The following CACNA1H variants were observed in gnomAD, a reference collection of about 807,000 sequenced individuals.
CACNA1H encodes calcium voltage-gated channel subunit alpha1 H.
A neutral mutation model predicts 192.5 loss-of-function variants in CACNA1H; 149 were observed. The observed-to-expected ratio is 0.77, with a 90% CI of 0.68 to 0.89. The LOEUF is 0.89. CACNA1H is among the 40% of genes least tolerant of loss of function. The probability of loss-of-function intolerance (pLI) is 0.00; values close to 1 mark genes in which losing one functional copy is unlikely to be tolerated. For missense variants in CACNA1H, 4,257 were observed against 3,423.5 expected (o/e 1.24, Z -6.08); for synonymous variants, 2,202 against 1,475.2 (o/e 1.49, Z -11.29).
intron 2 of CACNA1H, among the ~76,000 whole-genome samples, chr16:1,194,753 C>T (rs1438375001): frequency 6.6e-6 from 1 of 152,040 alleles, no homozygotes; most frequent in Non-Finnish European, 1.5e-5. Context: ...GGCCTGGGAC[C>T]CTCACGGAGC....
At chr16:1,177,022 C>G (rs897144489) in intron 2 of CACNA1H, among the ~76,000 whole-genome samples, 1 of 152,150 alleles carries the variant, frequency 6.6e-6, no homozygotes, top group Non-Finnish European at 1.5e-5. Flanking sequence ...TCACTCCCTC[C>G]CCCCAGGAGC....
chr16:1,203,098 C>A (rs1421350390), intron 9 of CACNA1H, among the ~76,000 whole-genome samples: 1 of 151,996 alleles, frequency 6.6e-6, no homozygotes, highest in East Asian at 1.9e-4. Context: ...GGGAGAGGTG[C>A]GAGCGAGGGT....
chr16:1,183,698 T>G (rs1282646486), intron 2 of CACNA1H, among the ~76,000 whole-genome samples: 1 of 152,242 alleles, frequency 6.6e-6, no homozygotes, highest in African/African-American at 2.4e-5. Flanking sequence ...AGGTTTGATG[T>G]ACTTTCTGTC....
Position 1,220,422 on chromosome 16 carries a change from G to A in CACNA1H, c.6490G>A (p.Glu2164Lys). 2 of 1,532,158 alleles carry A rather than the reference G, an allele frequency of 1.3e-6. No individual in the cohort carries two copies. Among genetic ancestry groups the A allele is most frequent in the Middle Eastern group, 1.8e-4 (1 of 5,646 alleles). The allele number at this position is 1,532,158 out of a possible 1,614,324, so 94.9% of individuals were successfully genotyped here. Residue 2164 changes from glutamate (E) to lysine (K), a missense_variant, in exon 35 of 35, where the codon GAG (glutamate) becomes AAG (lysine). Coordinates refer to ENST00000348261, the MANE Select transcript of CACNA1H (RefSeq NM_021098.3). ...GCCCTCGGCGGAGCTGGGCAGCGGG[G>A]AGCCTGGGGAGGCGAAGGCCTGGGG... is the stretch of plus-strand genomic sequence containing the variant. ...WRPSAELGSG[E>K]PGEAKAWGPE...
In CACNA1H at chr16:1,215,279, C is replaced by T; in HGVS notation, c.5077C>T (p.Leu1693Phe). 6.2e-7 allele frequency: 1 copy of T among 1,608,226 alleles called. No homozygotes were observed. Among genetic ancestry groups the T allele is most frequent in the Non-Finnish European group, 8.5e-7 (1 of 1,177,812 alleles). ...GGACCTGGCCATCGTGCTGCTGTCA[C>T]TCATGGGCATCACGCTGGAGGAGAT... is the stretch of plus-strand genomic sequence containing the variant. ...QLDLAIVLLS[L>F]MGITLEEIEM... The change falls in exon 29 of 35, where the codon CTC becomes TTC. Residue 1693 changes from leucine to phenylalanine, a missense_variant. Leu to Phe is a conservative substitution (Grantham distance 22, BLOSUM62 0). Transcript: ENST00000348261.
intron 2 of CACNA1H, among the ~76,000 whole-genome samples, chr16:1,175,812 T>TGG (rs1964826357): frequency 1.3e-5 from 2 of 152,110 alleles, no homozygotes; most frequent in African/African-American, 4.8e-5. Flanking sequence ...GCGGGCGAGT[T>TGG]GGGCTGGGCT....
chr16:1,210,359 C>CCCCCCCCCCCCCCCG lies in CACNA1H; in HGVS notation c.3846-11_3846-10insCCCCCCCCCCCCCCG. 1 of 1,475,490 alleles carries CCCCCCCCCCCCCCCG rather than the reference C, an allele frequency of 6.8e-7. No homozygotes were observed. Among genetic ancestry groups the CCCCCCCCCCCCCCCG allele is most frequent in the Non-Finnish European group, 9.2e-7 (1 of 1,091,420 alleles). 91.4% of individuals were successfully genotyped at this position (1,475,490 alleles called of 1,614,324 possible). A position where few individuals can be genotyped will look rare whatever the true frequency, so the allele number is the denominator to read the frequency against. On this transcript the variant is annotated splice_polypyrimidine_tract_variant and intron_variant, in intron 18 of 34. Coordinates refer to ENST00000348261, the MANE Select transcript of CACNA1H (RefSeq NM_021098.3). The stretch of plus-strand genomic sequence containing the variant: ...CCCCGCCCCACCTCTCACCCGCCCC[C>CCCCCCCCCCCCCCCG]GCCCACCCAGGTTCCGCGTCTCCTG...
chr16:1,211,898 GC>G, intron 24 of CACNA1H, 47 bp from the exon 25 acceptor site: 1 of 1,611,364 alleles, frequency 6.2e-7, no homozygotes, highest in East Asian at 2.2e-5. Context: ...CCTGGGTAGG[GC>G]CCCTGGCGGG....
At chr16:1,195,826 C>T in intron 4 of CACNA1H, 100 bp from the exon 5 acceptor site, 9 of 1,020,768 alleles carry the variant, frequency 8.8e-6, no homozygotes, top group Non-Finnish European at 1.4e-5. Context: ...GGGTGCCGGG[C>T]TGGCCGGTTC....
At chr16:1,162,140 C>G (rs111302628) in intron 2 of CACNA1H, among the ~76,000 whole-genome samples, 2,004 of 152,228 alleles carry the variant, frequency 0.013, 45 homozygotes, top group African/African-American at 0.044. Context: ...CCCACTCAGT[C>G]CCATGGGTGA....
chr16:1,203,743 A>T (rs1217428710), intron 9 of CACNA1H, among the ~76,000 whole-genome samples: 1 of 152,150 alleles, frequency 6.6e-6, no homozygotes, highest in East Asian at 1.9e-4. Context: ...CTCTGTCTTC[A>T]CATGGCTCTT....
intron 2 of CACNA1H, chr16:1,157,069 G>A (rs956830144): frequency 6.6e-6 from 1 of 152,234 alleles, no homozygotes; most frequent in African/African-American, 2.4e-5. Context: ...GTGCTGCCCG[G>A]ACTCCCGGGG....
rs200939989 is a variant in CACNA1H, at chr16:1,198,711, T to G, written c.740T>G (p.Val247Gly). ...CFFVFFIFGI[V>G]GVQLWAGLLR... ...TTCGTCTTCTTCATTTTCGGCATCGTTGGCGTCCAGCTCTGGGCTGGCCTC... is the reference window on the plus strand; with the variant it reads ...TTCGTCTTCTTCATTTTCGGCATCGGTGGCGTCCAGCTCTGGGCTGGCCTC... The change falls in exon 6 of 35, where the codon GTT becomes GGT. Residue 247 changes from valine to glycine, a missense_variant. Val to Gly is a moderately radical substitution (Grantham distance 109, BLOSUM62 -3). Transcript: ENST00000348261. 9.9e-6 allele frequency: 16 copies of G among 1,613,384 alleles called. No homozygotes were observed. The Admixed American group carries it at 1.3e-4, about 13-fold the overall frequency.
intron 20 of CACNA1H, 62 bp from the exon 21 acceptor site, chr16:1,210,725 C>T (rs1163579580): frequency 1.5e-5 from 23 of 1,577,398 alleles, no homozygotes; most frequent in Middle Eastern, 3.3e-4. Flanking sequence ...CACCCAGCAG[C>T]GCGCCAGCTC....
chr16:1,169,220 C>CG (rs1325876558), intron 2 of CACNA1H, among the ~76,000 whole-genome samples: 2 of 150,448 alleles, frequency 1.3e-5, no homozygotes, highest in Non-Finnish European at 2.9e-5. Context: ...GGAACGTGGA[C>CG]GTGGACGTGG....
intron 2 of CACNA1H, among the ~76,000 whole-genome samples, chr16:1,163,360 C>A (rs531891259): frequency 2.0e-5 from 3 of 152,342 alleles, no homozygotes; most frequent in African/African-American, 7.2e-5. Context: ...CTACGAGTCT[C>A]CCCATGGCAC....
rs1382650144 is a variant in CACNA1H at position 1,193,007 on chromosome 16, C to T, written c.300-1965C>T. ...ATGGGTAAACTGAGGCCTGGGATGC[C>T]CTGTGCCCAGGGAGAGGCAGTGCCA... On this transcript the variant is annotated intron_variant, in intron 2 of 34. Coordinates refer to ENST00000348261, the MANE Select transcript of CACNA1H (RefSeq NM_021098.3). Among the ~76,000 whole-genome samples, 3 of 152,236 alleles carry T rather than the reference C, an allele frequency of 2.0e-5. No homozygotes were observed. The East Asian group carries it at 5.8e-4, about 29-fold the overall frequency.
chr16:1,153,172 G>GCCCGCGA lies in CACNA1H; in HGVS notation c.-311_-310insACCCGCG, dbSNP rs1555497902. ...TCGCTCGCTGCCTCACCGGTCCCCG[G>GCCCGCGA]CCCGCGCCCCGCGCCCCGCGCCCCG... On this transcript the variant is annotated 5_prime_UTR_variant, in exon 1 of 35. Coordinates refer to ENST00000348261, the MANE Select transcript of CACNA1H (RefSeq NM_021098.3). 6.9e-6 allele frequency: 1 copy of GCCCGCGA among 144,138 alleles called. No individual in the cohort carries two copies. The highest frequency in any genetic ancestry group is 2.1e-4 in the East Asian group (1 of 4,786). 8.9% of individuals were successfully genotyped at this position (144,138 alleles called of 1,614,324 possible).
At chr16:1,185,344 C>T (rs1028150632) in intron 2 of CACNA1H, among the ~76,000 whole-genome samples, 2 of 152,244 alleles carry the variant, frequency 1.3e-5, no homozygotes, top group Middle Eastern at 3.4e-3. Context: ...GTGCCCGTTT[C>T]CTTTGTCCCT....
Sources: gnomAD v4.1 joint callset for allele counts (sites outside exome capture counted in the v4.1 genomes callset) on GRCh38, gnomAD v4.1.1 for gene constraint, MANE v1.5 for transcripts, NCBI Gene and HGNC (gene_info 2026-07-23, HGNC 2026-07-21) for gene names.